The following SLC25A26 variants were observed in gnomAD, a reference collection of about 807,000 sequenced individuals.
SLC25A26 encodes the protein mitochondrial S-adenosylmethionine carrier protein.
A neutral mutation model predicts 37.8 loss-of-function variants in SLC25A26; 36 were observed. The observed-to-expected ratio is 0.95, with a 90% CI of 0.73 to 1.26. The LOEUF (loss-of-function observed/expected upper bound fraction) is 1.26. Among genes scored for constraint, SLC25A26 ranks in the 50% most tolerant of loss-of-function variants. SLC25A26 has a pLI of 0.00. For synonymous variants in SLC25A26, 129 were observed against 122.5 expected (o/e 1.05, Z -0.35); for missense variants, 390 against 331.1 (o/e 1.18, Z -1.38).
chr3:66,309,307 T>G (rs1164907330), intron 5 of SLC25A26, among the ~76,000 whole-genome samples: 1 of 152,184 alleles, frequency 6.6e-6, no homozygotes, highest in Non-Finnish European at 1.5e-5. Context: ...CATAGAGGTG[T>G]TTATAGTATT....
At chr3:66,265,007 A>G (rs996719301) in intron 5 of SLC25A26, among the ~76,000 whole-genome samples, 2 of 152,216 alleles carry the variant, frequency 1.3e-5, no homozygotes, top group East Asian at 3.8e-4. Context: ...TAGTTTCAGT[A>G]TATTACTGCA....
intron 9 of SLC25A26, among the ~76,000 whole-genome samples, chr3:66,376,148 TGAG>T (rs1356983665): frequency 6.6e-6 from 1 of 151,584 alleles, no homozygotes; most frequent in African/African-American, 2.4e-5. Flanking sequence ...CTTGAACGGA[TGAG>T]GAGTTGGTTC....
At chr3:66,365,718 G>A (rs940051410) in intron 7 of SLC25A26, among the ~76,000 whole-genome samples, 12 of 152,296 alleles carry the variant, frequency 7.9e-5, no homozygotes, top group Middle Eastern at 3.4e-3. Flanking sequence ...GAGAAGGCCT[G>A]ACACAATCTC....
intron 2 of SLC25A26, among the ~76,000 whole-genome samples, chr3:66,241,646 A>G (rs1376723268): frequency 6.6e-6 from 1 of 152,200 alleles, no homozygotes; most frequent in East Asian, 1.9e-4. Context: ...GGGTTCAAAA[A>G]TAGCCTTGTT....
intron 1 of SLC25A26, among the ~76,000 whole-genome samples, chr3:66,174,538 C>G (rs1239376490): frequency 6.6e-6 from 1 of 152,012 alleles, no homozygotes; most frequent in African/African-American, 2.4e-5. Flanking sequence ...CCCAGCACTT[C>G]GGGAGGCCGA....
intron 1 of SLC25A26, among the ~76,000 whole-genome samples, chr3:66,226,327 A>G (rs1011232507): frequency 6.6e-6 from 1 of 152,232 alleles, no homozygotes; most frequent in Admixed American, 6.5e-5. Context: ...AGACTTATTC[A>G]CTATCACCAG....
chr3:66,151,716 CT>C (rs201500467), intron 1 of SLC25A26, among the ~76,000 whole-genome samples: 2,305 of 152,282 alleles, frequency 0.015, 26 homozygotes, highest in South Asian at 0.032. Context: ...CCAACACACC[CT>C]TCTGGTCTTC....
intron 3 of SLC25A26, among the ~76,000 whole-genome samples, chr3:66,254,796 T>G (rs924281562): frequency 5.3e-5 from 8 of 152,376 alleles, no homozygotes; most frequent in Middle Eastern, 3.4e-3. Flanking sequence ...AGAGGAATAT[T>G]TGCAGGTAGT....
chr3:66,141,678 G>A (rs28434443), intron 1 of SLC25A26, among the ~76,000 whole-genome samples: 126,523 of 152,084 alleles, frequency 0.83, 53,334 homozygotes, highest in East Asian at 0.99. Flanking sequence ...ACACCCAGCT[G>A]ATTTTTGTAT....
intron 1 of SLC25A26, among the ~76,000 whole-genome samples, chr3:66,201,632 A>G (rs2071111586): frequency 6.6e-6 from 1 of 152,156 alleles, no homozygotes; most frequent in African/African-American, 2.4e-5. Flanking sequence ...ATTTGTTTTT[A>G]AAAGGAACCT....
At chr3:66,149,700 A>G (rs2070172221) in intron 1 of SLC25A26, among the ~76,000 whole-genome samples, 1 of 152,184 alleles carries the variant, frequency 6.6e-6, no homozygotes, top group Non-Finnish European at 1.5e-5. Context: ...TTGTCATTCA[A>G]ATCAAACCTT....
At chr3:66,289,278 A>G (rs375409463) in intron 5 of SLC25A26, among the ~76,000 whole-genome samples, 11 of 152,046 alleles carry the variant, frequency 7.2e-5, no homozygotes, top group South Asian at 4.1e-4. Context: ...TAGGTTGCCT[A>G]TTCACTCTGA....
intron 1 of SLC25A26, among the ~76,000 whole-genome samples, chr3:66,210,091 G>A (rs1365758240): frequency 1.3e-5 from 2 of 150,038 alleles, no homozygotes; most frequent in African/African-American, 2.5e-5. Context: ...ATGCAACTAT[G>A]TATGGCCTCC....
chr3:66,239,518 C>T (rs1320446961), intron 2 of SLC25A26, among the ~76,000 whole-genome samples: 1 of 152,174 alleles, frequency 6.6e-6, no homozygotes. Context: ...GCTGCTTCTC[C>T]TGTTATCTTG....
intron 5 of SLC25A26, among the ~76,000 whole-genome samples, chr3:66,263,852 G>A (rs1026330162): frequency 5.6e-4 from 85 of 152,162 alleles, no homozygotes; most frequent in African/African-American, 2.0e-3. Flanking sequence ...TAGAGATGGG[G>A]TTTCACCATG....
At chr3:66,137,021 G>A (rs28506829) in intron 1 of SLC25A26, among the ~76,000 whole-genome samples, 67,757 of 151,756 alleles carry the variant, frequency 0.45, 15,899 homozygotes, top group African/African-American at 0.59. Flanking sequence ...TATGATAATA[G>A]CACAAAGCTT....
At chr3:66,146,339 CAAA>C (rs749935106) in intron 1 of SLC25A26, among the ~76,000 whole-genome samples, 2 of 111,072 alleles carry the variant, frequency 1.8e-5, no homozygotes, top group Admixed American at 9.6e-5. Context: ...GATTCAGTCT[CAAA>C]AAAAAAAAAA....
intron 5 of SLC25A26, among the ~76,000 whole-genome samples, chr3:66,323,555 C>T (rs761260960): frequency 1.4e-4 from 22 of 152,160 alleles, no homozygotes; most frequent in Non-Finnish European, 2.9e-4. Context: ...TCTGTAATCC[C>T]AGCACTTTGA....
intron 1 of SLC25A26, among the ~76,000 whole-genome samples, chr3:66,222,716 A>G (rs1332631789): frequency 2.0e-5 from 3 of 152,220 alleles, no homozygotes; most frequent in African/African-American, 4.8e-5. Flanking sequence ...CTGTGTAAGT[A>G]TTGGAGCTCA....
Sources: gnomAD v4.1 joint callset for allele counts (sites outside exome capture counted in the v4.1 genomes callset) on GRCh38, gnomAD v4.1.1 for gene constraint, MANE v1.5 for transcripts, NCBI Gene and HGNC (gene_info 2026-07-23, HGNC 2026-07-21) for gene names.